The following AKR1C8 variants were observed in gnomAD, a reference collection of about 807,000 sequenced individuals.
AKR1C8 encodes the protein aldo-keto reductase family 1 member C8, also known as aldo-keto reductase family 1 member C-like protein 1.
the AKR1C8 span, among the ~76,000 whole-genome samples, chr10:5,178,888 C>G: frequency 1.5e-4 from 23 of 152,180 alleles, no homozygotes; most frequent in African/African-American, 2.4e-4. Flanking sequence ...ACATGAGATG[C>G]GTTTCCTGAA....
At chr10:5,154,035 C>A in the AKR1C8 span, 1 of 299,346 alleles carries the variant, frequency 3.3e-6, no homozygotes. Flanking sequence ...AGGCAAGCAA[C>A]CTGCAACTAC....
At chr10:5,161,041 G>A in the AKR1C8 span, among the ~76,000 whole-genome samples, 1 of 152,112 alleles carries the variant, frequency 6.6e-6, no homozygotes, top group Non-Finnish European at 1.5e-5. Context: ...TTGCATGCAC[G>A]TGTGCATGTG....
At chr10:5,166,376 G>C in the AKR1C8 span, among the ~76,000 whole-genome samples, 10 of 152,286 alleles carry the variant, frequency 6.6e-5, no homozygotes, top group Admixed American at 5.2e-4. Context: ...CATGCTACCT[G>C]ACTTCAAACT....
the AKR1C8 span, among the ~76,000 whole-genome samples, chr10:5,180,411 C>T: frequency 6.6e-6 from 1 of 152,218 alleles, no homozygotes; most frequent in Non-Finnish European, 1.5e-5. Context: ...AGTTAGGCTG[C>T]TCGGGGGTTA....
chr10:5,178,808 T>C, the AKR1C8 span, among the ~76,000 whole-genome samples: 1 of 152,074 alleles, frequency 6.6e-6, no homozygotes, highest in Admixed American at 6.6e-5. Flanking sequence ...CCCCTGCCTT[T>C]TTTTTTGTTT....
the AKR1C8 span, among the ~76,000 whole-genome samples, chr10:5,162,371 G>A: frequency 0.3 from 44,854 of 152,008 alleles, 7,387 homozygotes; most frequent in Non-Finnish European, 0.37. Context: ...ATAAATTATC[G>A]ATGTAAACAC....
At chr10:5,122,582 G>T in the AKR1C8 span, among the ~76,000 whole-genome samples, 1 of 152,094 alleles carries the variant, frequency 6.6e-6, no homozygotes, top group African/African-American at 2.4e-5. Flanking sequence ...CTTAAAACAC[G>T]GAACAATCCC....
the AKR1C8 span, among the ~76,000 whole-genome samples, chr10:5,128,722 A>G: frequency 3.3e-5 from 5 of 152,190 alleles, no homozygotes; most frequent in African/African-American, 1.2e-4. Flanking sequence ...AAAAGAATCA[A>G]TCCAGCAAGA....
chr10:5,164,534 G>A, the AKR1C8 span, among the ~76,000 whole-genome samples: 161 of 151,996 alleles, frequency 1.1e-3, no homozygotes, highest in Non-Finnish European at 2.1e-3. Flanking sequence ...GGAGCCAACC[G>A]TCAAACTCTT....
the AKR1C8 span, among the ~76,000 whole-genome samples, chr10:5,140,744 T>G: frequency 1.4e-5 from 2 of 138,166 alleles, no homozygotes; most frequent in African/African-American, 7.1e-5. Context: ...CATGTACATA[T>G]ATGCAACATA....
the AKR1C8 span, among the ~76,000 whole-genome samples, chr10:5,140,861 T>G: frequency 1.3e-5 from 2 of 151,658 alleles, no homozygotes; most frequent in African/African-American, 2.4e-5. Flanking sequence ...AAAGAAATTA[T>G]TCCCTCACTG....
the AKR1C8 span, among the ~76,000 whole-genome samples, chr10:5,177,191 C>T: frequency 0.79 from 119,045 of 151,606 alleles, 46,893 homozygotes; most frequent in African/African-American, 0.83. Context: ...GCATGAAGGG[C>T]TGTTGAATTT....
the AKR1C8 span, among the ~76,000 whole-genome samples, chr10:5,180,549 C>A: frequency 5.9e-5 from 9 of 152,196 alleles, no homozygotes; most frequent in Non-Finnish European, 1.3e-4. Flanking sequence ...TTACTGCTGT[C>A]TTTTTGTTTG....
At chr10:5,139,833 A>C in the AKR1C8 span, among the ~76,000 whole-genome samples, 3 of 152,202 alleles carry the variant, frequency 2.0e-5, no homozygotes, top group African/African-American at 7.2e-5. Context: ...GCACAGCAAA[A>C]GGAACTACCA....
chr10:5,162,384 A>T, the AKR1C8 span, among the ~76,000 whole-genome samples: 1 of 152,240 alleles, frequency 6.6e-6, no homozygotes, highest in Non-Finnish European at 1.5e-5. Flanking sequence ...GTAAACACAC[A>T]CAGGGTGCAT....
chr10:5,169,406 T>A, the AKR1C8 span, among the ~76,000 whole-genome samples: 1 of 152,206 alleles, frequency 6.6e-6, no homozygotes, highest in Non-Finnish European at 1.5e-5. Flanking sequence ...TAGATGTTTC[T>A]GGGTAGTTGT....
the AKR1C8 span, among the ~76,000 whole-genome samples, chr10:5,167,845 G>A: frequency 1.3e-5 from 2 of 152,120 alleles, no homozygotes; most frequent in African/African-American, 2.4e-5. Context: ...AAAATGATAC[G>A]TGATGCTAGC....
the AKR1C8 span, among the ~76,000 whole-genome samples, chr10:5,143,989 T>C: frequency 6.6e-6 from 1 of 152,096 alleles, no homozygotes; most frequent in African/African-American, 2.4e-5. Context: ...ACTATCCACA[T>C]TACCATATTC....
the AKR1C8 span, among the ~76,000 whole-genome samples, chr10:5,174,452 A>G: frequency 6.6e-6 from 1 of 152,092 alleles, no homozygotes; most frequent in Non-Finnish European, 1.5e-5. Context: ...AATATGTGAT[A>G]TGTGTTATAC....
Sources: gnomAD v4.1 joint callset for allele counts (sites outside exome capture counted in the v4.1 genomes callset) on GRCh38, gnomAD v4.1.1 for gene constraint, MANE v1.5 for transcripts, NCBI Gene and HGNC (gene_info 2026-07-23, HGNC 2026-07-21) for gene names.